ATP2B2: variants seen among roughly 807,000 people sequenced by gnomAD.
The protein encoded by ATP2B2 is ATPase plasma membrane Ca2+ transporting 2.
In ATP2B2, 15 loss-of-function variants were observed where a neutral mutation model predicts 120.0. The observed-to-expected ratio is 0.12, with a 90% CI of 0.08 to 0.19. The LOEUF (loss-of-function observed/expected upper bound fraction) is 0.19, where lower values mean the gene tolerates loss of function less well. Ranked by LOEUF, ATP2B2 falls within the 10% of genes least tolerant of loss-of-function variation. The pLI is 1.00. For missense variants in ATP2B2, 1,045 were observed against 1,719.8 expected, an observed-to-expected ratio of 0.61 and a Z score of 6.94; for synonymous variants, 694 against 700.3, an observed-to-expected ratio of 0.99 and a Z score of 0.14.
In ATP2B2 at chr3:10,340,505, G is replaced by C; in HGVS notation, c.3117C>G (p.Thr1039=). Residue 1039 remains threonine, a synonymous_variant, in exon 20 of 23, where the codon ACC becomes ACG. Coordinates refer to ENST00000360273, the MANE Select transcript of ATP2B2 (RefSeq NM_001001331.4). This position sits in a 1 kb window ranked among gnomAD's most constrained non-coding sequence, Gnocchi z 5.0. ...NPIFCTIVLG[T]FAIQIVIVQF... ...GGGGCCTCACTACCTGGATGGCAAAGGTGCCCAGCACGATGGTGCAGAAGA... is the reference window on the plus strand; with the variant it reads ...GGGGCCTCACTACCTGGATGGCAAACGTGCCCAGCACGATGGTGCAGAAGA... The C allele has an allele frequency of 6.2e-7, 1 of 1,614,212 alleles. No homozygotes were observed. The highest frequency in any genetic ancestry group is 1.3e-5 in the African/African-American group (1 of 75,046).
At chr3:10,624,387 C>T (rs1865395) in intron 1 of ATP2B2, among the ~76,000 whole-genome samples, 31,936 of 152,048 alleles carry the variant, frequency 0.21, 3,671 homozygotes, top group East Asian at 0.52. Context: ...AGGACAGGTG[C>T]TATGTCTGGG....
At position 10,469,357 on chromosome 3, in the gene ATP2B2, C is replaced by G. The variant is rs1458826281; in HGVS notation, c.-319-19495G>C. Among the ~76,000 whole-genome samples the G allele has an allele frequency of 2.0e-5, 3 of 152,268 alleles. No individual in the cohort carries two copies. In the East Asian group the frequency reaches 5.8e-4, roughly 29 times the overall value. ...TAGAAAAGAAAACTAAGGCAAGTAA[C>G]TTGCCCAAGGTCACTCAGAACACAG... On this transcript the variant is annotated intron_variant, in intron 1 of 22. Coordinates refer to ENST00000360273, the MANE Select transcript of ATP2B2 (RefSeq NM_001001331.4).
intron 1 of ATP2B2, among the ~76,000 whole-genome samples, chr3:10,654,258 C>A (rs2070548699): frequency 2.0e-5 from 3 of 152,202 alleles, no homozygotes; most frequent in Admixed American, 2.0e-4. Context: ...ATTTTTATTA[C>A]TGTATCCGTG....
At chr3:10,366,628 G>A (rs1017596483) in intron 12 of ATP2B2, among the ~76,000 whole-genome samples, 5 of 152,242 alleles carry the variant, frequency 3.3e-5, no homozygotes, top group Admixed American at 6.5e-5. Context: ...AGTAGAAAAT[G>A]TAAGTCCGCT....
intron 1 of ATP2B2, among the ~76,000 whole-genome samples, chr3:10,629,451 CATTT>C (rs2125636071): frequency 6.6e-6 from 1 of 152,330 alleles, no homozygotes; most frequent in South Asian, 2.1e-4. Flanking sequence ...GTTGATCATT[CATTT>C]GTTGATAGGG....
At chr3:10,377,607 T>G (rs745704731) in intron 10 of ATP2B2, among the ~76,000 whole-genome samples, 4 of 152,200 alleles carry the variant, frequency 2.6e-5, no homozygotes, top group Non-Finnish European at 5.9e-5. Context: ...GTTACCACTT[T>G]AGTTGGGATG....
intron 1 of ATP2B2, among the ~76,000 whole-genome samples, chr3:10,454,719 C>G (rs1041185886): frequency 6.6e-6 from 1 of 152,224 alleles, no homozygotes; most frequent in Non-Finnish European, 1.5e-5. Flanking sequence ...GATCTTTTCA[C>G]AGATTGACAG....
chr3:10,436,145 T>C (rs762904441), intron 2 of ATP2B2, among the ~76,000 whole-genome samples: 4 of 152,226 alleles, frequency 2.6e-5, no homozygotes, highest in Admixed American at 6.5e-5. Context: ...TTGTGAGAGC[T>C]GATGGCTAAA....
Position 10,326,884 on chromosome 3 carries a change from G to A in ATP2B2, c.*1930C>T, listed in dbSNP as rs1473798416. 2.5e-6 allele frequency: 1 copy of A among 398,824 alleles called. No individual in the cohort carries two copies. The highest frequency in any genetic ancestry group is 4.4e-6 in the Non-Finnish European group (1 of 226,044). The allele number at this position is 398,824 out of a possible 1,614,324, so 24.7% of individuals were successfully genotyped here. A position where few individuals can be genotyped will look rare whatever the true frequency, so the allele number is the denominator to read the frequency against. On this transcript the variant is annotated 3_prime_UTR_variant, in exon 23 of 23. Coordinates refer to ENST00000360273, the MANE Select transcript of ATP2B2 (RefSeq NM_001001331.4). The stretch of plus-strand genomic sequence containing the variant: ...CCCGAGTGGCTCTCATCTTGTTTGT[G>A]GAAGAGTTCTCTGGGCCTGGAGAAG...
intron 2 of ATP2B2, among the ~76,000 whole-genome samples, chr3:10,601,106 C>T (rs2068896960): frequency 6.6e-6 from 1 of 152,186 alleles, no homozygotes; most frequent in Non-Finnish European, 1.5e-5. Flanking sequence ...CGGGCTTGCC[C>T]TGCTGAGATC....
At chr3:10,575,209 G>T (rs2068216884) in intron 2 of ATP2B2, among the ~76,000 whole-genome samples, 5 of 152,156 alleles carry the variant, frequency 3.3e-5, no homozygotes, top group African/African-American at 7.2e-5. Flanking sequence ...ACCAGAAAAA[G>T]CCATCTGGAT....
At chr3:10,693,785 C>T (rs767149357) in intron 1 of ATP2B2, among the ~76,000 whole-genome samples, 3 of 152,200 alleles carry the variant, frequency 2.0e-5, no homozygotes, top group African/African-American at 7.2e-5. Context: ...GCCTGGCACA[C>T]TGCCTGGCAC....
intron 2 of ATP2B2, among the ~76,000 whole-genome samples, chr3:10,445,519 G>A (rs2063808097): frequency 6.6e-6 from 1 of 152,184 alleles, no homozygotes; most frequent in South Asian, 2.1e-4. Context: ...CTCACAGGGG[G>A]GCAGGTTTAC....
At chr3:10,413,619 G>A (rs1288862656) in intron 2 of ATP2B2, among the ~76,000 whole-genome samples, 1 of 152,222 alleles carries the variant, frequency 6.6e-6, no homozygotes, top group Admixed American at 6.5e-5. Context: ...CCATCTGGGA[G>A]ATCCATGTAC....
intron 2 of ATP2B2, among the ~76,000 whole-genome samples, chr3:10,579,103 G>A (rs1244493463): frequency 6.6e-6 from 1 of 152,214 alleles, no homozygotes; most frequent in African/African-American, 2.4e-5. Flanking sequence ...GAGGGATGGG[G>A]AGGACCAGGC....
intron 1 of ATP2B2, among the ~76,000 whole-genome samples, chr3:10,648,019 G>A (rs1283947908): frequency 1.3e-5 from 2 of 152,250 alleles, no homozygotes; most frequent in Non-Finnish European, 2.9e-5. Context: ...GTGGAGGACT[G>A]GCAATAGAAC....
At chr3:10,479,293 G>GC (rs2125313586) in intron 1 of ATP2B2, among the ~76,000 whole-genome samples, 1 of 151,652 alleles carries the variant, frequency 6.6e-6, no homozygotes, top group South Asian at 2.1e-4. Context: ...TGCTCCTTCA[G>GC]CCCCCAAGAA....
intron 1 of ATP2B2, among the ~76,000 whole-genome samples, chr3:10,484,275 G>A (rs1376415539): frequency 1.3e-5 from 2 of 152,092 alleles, no homozygotes. Flanking sequence ...GAACACCTTG[G>A]GGGCAGATCC....
chr3:10,559,436 T>C (rs1288206186), intron 2 of ATP2B2, among the ~76,000 whole-genome samples: 2 of 152,164 alleles, frequency 1.3e-5, no homozygotes, highest in African/African-American at 4.8e-5. Flanking sequence ...GCGATGGATA[T>C]GCTAATTACC....
Sources: gnomAD v4.1 joint callset for allele counts (sites outside exome capture counted in the v4.1 genomes callset) on GRCh38, gnomAD v4.1.1 for gene constraint, Gnocchi (gnomAD v3.1) non-coding constraint, MANE v1.5 for transcripts, NCBI Gene and HGNC (gene_info 2026-07-23, HGNC 2026-07-21) for gene names.